FGD6: variants seen among roughly 807,000 people sequenced by gnomAD.
FGD6 encodes the protein FYVE, RhoGEF and PH domain-containing protein 6.
FGD6 carries 90 observed loss-of-function variants against 149.4 expected under a neutral mutation model. The observed-to-expected ratio is 0.60, with a 90% CI of 0.51 to 0.72. The LOEUF (loss-of-function observed/expected upper bound fraction) is 0.72. Ranked by LOEUF, FGD6 falls within the 30% of genes least tolerant of loss-of-function variation. FGD6 has a pLI of 0.00. For synonymous variants in FGD6, 527 were observed against 584.0 expected (o/e 0.90, Z 1.41); for missense variants, 1,437 against 1,684.8 (o/e 0.85, Z 2.57).
At chr12:95,151,149 C>CA (rs1289340222) in intron 5 of FGD6, among the ~76,000 whole-genome samples, 1 of 151,754 alleles carries the variant, frequency 6.6e-6, no homozygotes, top group Non-Finnish European at 1.5e-5. Context: ...CCAATATAGC[C>CA]AAAAATCAAT....
intron 1 of FGD6, among the ~76,000 whole-genome samples, chr12:95,212,605 T>A (rs1345920395): frequency 1.3e-5 from 2 of 152,238 alleles, no homozygotes; most frequent in Non-Finnish European, 2.9e-5. Flanking sequence ...CATTTATATT[T>A]GTTCGTTTGA....
rs200355257 is a variant in FGD6, at chr12:95,105,098, CACA to C, written c.3418-15_3418-13del. On this transcript the variant is annotated splice_polypyrimidine_tract_variant and intron_variant, in intron 13 of 20. Transcript: ENST00000343958. ...GTAGGTTTTCTGACCTGGAAGAAAG[CACA>C]ACAATTTGAGCCGACTCATCCTACT... is the stretch of plus-strand genomic sequence containing the variant. 2.2e-4 allele frequency: 345 copies of C among 1,597,544 alleles called. 1 individual carries two copies. In the East Asian group the frequency reaches 6.8e-3, roughly 31 times the overall value.
At chr12:95,171,284 AGATT>A (rs1181097540) in intron 3 of FGD6, among the ~76,000 whole-genome samples, 14 of 152,156 alleles carry the variant, frequency 9.2e-5, no homozygotes, top group African/African-American at 2.9e-4. Flanking sequence ...GAAGAACAAT[AGATT>A]GATAAAATTA....
At chr12:95,091,556 C>A in intron 17 of FGD6, 151 bp downstream of exon 17, 1 of 568,678 alleles carries the variant, frequency 1.8e-6, no homozygotes, top group Non-Finnish European at 3.0e-6. Context: ...AGAATTACAA[C>A]AAAATATGAA....
chr12:95,104,971 G>GAAAAAAAAAAAAAAAAAA, intron 14 of FGD6, 36 bp downstream of exon 14: 1 of 1,349,986 alleles, frequency 7.4e-7, no homozygotes, highest in Non-Finnish European at 9.9e-7. Flanking sequence ...CTCAGAATGA[G>GAAAAAAAAAAAAAAAAAA]AAAAAAAAAA....
Position 95,106,428 on chromosome 12 carries a change from G to A in FGD6, c.3417+526C>T, listed in dbSNP as rs1329846068. Among the ~76,000 whole-genome samples the A allele has an allele frequency of 4.2e-5, 5 of 118,138 alleles. No homozygotes were observed. The South Asian group carries it at 1.3e-3, about 31-fold the overall frequency. 77.5% of individuals were successfully genotyped at this position (118,138 alleles called of 152,430 possible). A position where few individuals can be genotyped will look rare whatever the true frequency, so the allele number is the denominator to read the frequency against. On this transcript the variant is annotated intron_variant, in intron 13 of 20. Transcript: ENST00000343958. ...TGGGATTACAGGTGTGCGCCACCACGCCTGGCTAATTTTTGTTTGTTTTTT... is the reference window on the plus strand; with the variant it reads ...TGGGATTACAGGTGTGCGCCACCACACCTGGCTAATTTTTGTTTGTTTTTT...
intron 2 of FGD6, among the ~76,000 whole-genome samples, chr12:95,186,145 T>C (rs1234060357): frequency 6.6e-6 from 1 of 150,378 alleles, no homozygotes; most frequent in Non-Finnish European, 1.5e-5. Flanking sequence ...CACACATACA[T>C]AGTATAGTAT....
At position 95,086,010 on chromosome 12, in the gene FGD6, A is replaced by ATTTC; in HGVS notation, c.3979-103_3979-102insGAAA. 2.8e-6 allele frequency: 3 copies of ATTTC among 1,088,226 alleles called. No homozygotes were observed. The South Asian group carries it at 5.2e-5, about 19-fold the overall frequency. The allele number at this position is 1,088,226 out of a possible 1,614,324, so 67.4% of individuals were successfully genotyped here. A position where few individuals can be genotyped will look rare whatever the true frequency, so the allele number is the denominator to read the frequency against. On this transcript the variant is annotated intron_variant, in intron 18 of 20. Transcript: ENST00000343958. ...TGCTGAAAGCAATAACTGTAATGAT[A>ATTTC]GAATGTTTCAGAATGAAATATATTT...
chr12:95,094,563 GAAA>G (rs55905327), intron 15 of FGD6, 26 bp downstream of exon 15: 661 of 1,267,052 alleles, frequency 5.2e-4, no homozygotes, highest in Middle Eastern at 1.0e-3. Flanking sequence ...AAATGCACTG[GAAA>G]AAAAAAAAAA....
At chr12:95,216,669 CAA>C (rs143881424) in intron 1 of FGD6, among the ~76,000 whole-genome samples, 20,486 of 88,420 alleles carry the variant, frequency 0.23, 1,747 homozygotes, top group African/African-American at 0.28. Flanking sequence ...TGCAGACAAG[CAA>C]AAAAAAAAAA....
intron 2 of FGD6, among the ~76,000 whole-genome samples, chr12:95,185,947 A>G (rs966745960): frequency 6.6e-6 from 1 of 152,212 alleles, no homozygotes; most frequent in Non-Finnish European, 1.5e-5. Context: ...TATGCAATGG[A>G]CAGGAAATAA....
intron 2 of FGD6, among the ~76,000 whole-genome samples, chr12:95,193,359 ATT>A (rs766118976): frequency 2.8e-5 from 4 of 144,800 alleles, no homozygotes; most frequent in Non-Finnish European, 1.5e-5. Context: ...ATCATGCTGA[ATT>A]TTTTTTTTTT....
At chr12:95,094,765 T>C in intron 14 of FGD6, 71 bp from the exon 15 acceptor site, 1 of 1,169,712 alleles carries the variant, frequency 8.5e-7, no homozygotes, top group Non-Finnish European at 1.3e-6. Context: ...CTTTTCTTTC[T>C]CCCATGGCAA....
At chr12:95,180,009 C>T (rs1242914201) in intron 2 of FGD6, among the ~76,000 whole-genome samples, 4 of 150,806 alleles carry the variant, frequency 2.7e-5, no homozygotes, top group South Asian at 2.1e-4. Flanking sequence ...ACCTGGGAGG[C>T]CAAGGTTGCG....
intron 5 of FGD6, among the ~76,000 whole-genome samples, chr12:95,142,807 AAAT>A (rs1879892076): frequency 6.6e-6 from 1 of 152,208 alleles, no homozygotes; most frequent in Non-Finnish European, 1.5e-5. Flanking sequence ...ACCTCTCAAT[AAAT>A]TCACCAGGGT....
intron 8 of FGD6, chr12:95,126,111 A>G (rs1879330817): frequency 2.8e-6 from 3 of 1,058,398 alleles, no homozygotes; most frequent in Non-Finnish European, 4.4e-6. Context: ...GGCAAAGAAA[A>G]TGAGGGACAG....
intron 20 of FGD6, among the ~76,000 whole-genome samples, chr12:95,083,012 A>AAAATTTATAAATATATATATATATAT (rs68032073): frequency 5.0e-5 from 1 of 20,018 alleles, no homozygotes; most frequent in Non-Finnish European, 8.3e-5. Context: ...AAAAAAAAAA[A>AAAATTTATAAATATATATATATATAT]ATATATATAT....
At chr12:95,130,499 GT>G (rs1264021792) in intron 8 of FGD6, among the ~76,000 whole-genome samples, 2 of 152,222 alleles carry the variant, frequency 1.3e-5, no homozygotes, top group Non-Finnish European at 2.9e-5. Context: ...TCACAAAGTT[GT>G]TGGAGGATTA....
At chr12:95,187,344 A>C (rs1565919168) in intron 2 of FGD6, among the ~76,000 whole-genome samples, 1 of 149,002 alleles carries the variant, frequency 6.7e-6, no homozygotes, top group African/African-American at 2.5e-5. Flanking sequence ...AAAAAAAAAA[A>C]CAAGTTACTT....
Sources: gnomAD v4.1 joint callset for allele counts (sites outside exome capture counted in the v4.1 genomes callset) on GRCh38, gnomAD v4.1.1 for gene constraint, MANE v1.5 for transcripts, NCBI Gene and HGNC (gene_info 2026-07-23, HGNC 2026-07-21) for gene names.